Variants in WDR93 observed in about 807,000 individuals in gnomAD.
The protein encoded by WDR93 is WD repeat domain 93, also known as WD repeat-containing protein 93.
WDR93 carries 73 observed loss-of-function variants against 82.9 expected under a neutral mutation model. The observed-to-expected ratio is 0.88, with a 90% confidence interval of 0.73 to 1.07. The LOEUF (loss-of-function observed/expected upper bound fraction) is 1.07. WDR93 is among the 50% of genes least tolerant of loss of function. The pLI, the probability that WDR93 is intolerant of heterozygous loss-of-function variation, is 0.00. For missense variants in WDR93, 738 were observed against 826.0 expected, an observed-to-expected ratio of 0.89 and a Z score of 1.31; for synonymous variants, 283 against 300.1, an observed-to-expected ratio of 0.94 and a Z score of 0.59.
rs1208986642 is a variant in WDR93, at chr15:89,730,699, C to A, written c.1211-744C>A. On this transcript the variant is annotated intron_variant, in intron 11 of 16. Coordinates refer to ENST00000268130, the MANE Select transcript of WDR93 (RefSeq NM_020212.2). ...TCTCTTGAGCCCAGGAGTTTGAAACCAGTCTGGGCAACATAGGAGACCCTG... is the reference window on the plus strand; with the variant it reads ...TCTCTTGAGCCCAGGAGTTTGAAACAAGTCTGGGCAACATAGGAGACCCTG... 2.6e-5 allele frequency among the ~76,000 whole-genome samples: 4 copies of A among 151,982 alleles called. No homozygotes were observed. The East Asian group carries it at 7.7e-4, about 29-fold the overall frequency.
intron 16 of WDR93, among the ~76,000 whole-genome samples, chr15:89,738,936 G>A (rs1029178485): frequency 4.6e-5 from 7 of 151,958 alleles, no homozygotes; most frequent in African/African-American, 1.5e-4. Context: ...CCAACATGGC[G>A]AAACCCCATC....
chr15:89,740,084 G>T (rs1455674026), intron 16 of WDR93, among the ~76,000 whole-genome samples: 1 of 152,162 alleles, frequency 6.6e-6, no homozygotes. Context: ...TTTTAATGAT[G>T]CCTGATTTTT....
At chr15:89,710,288 G>A (rs1014365484) in intron 4 of WDR93, among the ~76,000 whole-genome samples, 1 of 152,216 alleles carries the variant, frequency 6.6e-6, no homozygotes, top group Non-Finnish European at 1.5e-5. Context: ...CAACGCAGCA[G>A]ATGAAACTCA....
At chr15:89,729,165 C>T in intron 10 of WDR93, 72 bp downstream of exon 10, 1 of 1,402,544 alleles carries the variant, frequency 7.1e-7, no homozygotes. Context: ...CAAGCCCCCA[C>T]AGAGATGTTC....
rs765203860 is a variant in WDR93 at position 89,729,084 on chromosome 15, G to C, written c.1114G>C (p.Gly372Arg). ...ATTTGCAATGCCACCGGAAGTCAAGGGCCCCTCAGGTAAATGAACATGAAG... is the reference window on the plus strand; with the variant it reads ...ATTTGCAATGCCACCGGAAGTCAAGCGCCCCTCAGGTAAATGAACATGAAG... Reference protein sequence around the residue: ...CLFAMPPEVKGPSGMACVLGI... With the variant: ...CLFAMPPEVKRPSGMACVLGI... The change falls in exon 10 of 17, where the codon GGC becomes CGC. Residue 372 changes from glycine (G) to arginine (R), a missense_variant. Gly to Arg is a moderately radical substitution (Grantham distance 125). Coordinates refer to ENST00000268130, the MANE Select transcript of WDR93 (RefSeq NM_020212.2). 1 of 1,613,964 alleles carries C rather than the reference G, an allele frequency of 6.2e-7. No individual in the cohort carries two copies. The highest frequency in any genetic ancestry group is 8.5e-7 in the Non-Finnish European group (1 of 1,179,914).
intron 3 of WDR93, chr15:89,704,800 T>G (rs1965652927): frequency 6.6e-6 from 1 of 152,294 alleles, no homozygotes; most frequent in African/African-American, 2.4e-5. Flanking sequence ...GTTTCAAGTC[T>G]GTGTAACCCT....
intron 13 of WDR93, among the ~76,000 whole-genome samples, chr15:89,733,697 C>T (rs952797362): frequency 2.0e-5 from 3 of 152,144 alleles, no homozygotes; most frequent in Admixed American, 6.5e-5. Flanking sequence ...TATGCCGTCT[C>T]GGGACTCTCT....
At chr15:89,694,925 C>G (rs1013275541) in intron 1 of WDR93, among the ~76,000 whole-genome samples, 2 of 152,152 alleles carry the variant, frequency 1.3e-5, no homozygotes, top group African/African-American at 4.8e-5. Flanking sequence ...GCATTATTTG[C>G]TGAAAAGAAT....
intron 14 of WDR93, 65 bp downstream of exon 14, chr15:89,735,618 A>G (rs1311026577): frequency 6.6e-7 from 1 of 1,524,442 alleles, no homozygotes; most frequent in Non-Finnish European, 9.1e-7. Context: ...GAATGTGTTC[A>G]TCTGTCCTTT....
At chr15:89,717,918 C>T (rs1886587058) in intron 7 of WDR93, among the ~76,000 whole-genome samples, 1 of 152,220 alleles carries the variant, frequency 6.6e-6, no homozygotes, top group Non-Finnish European at 1.5e-5. Context: ...CCTGGCTCTT[C>T]CTCTGAGACC....
chr15:89,697,004 T>C lies in WDR93; in HGVS notation c.-40-4703T>C, dbSNP rs934160378. Among the ~76,000 whole-genome samples, 8 of 152,200 alleles carry C rather than the reference T, an allele frequency of 5.3e-5. No homozygotes were observed. In the East Asian group the frequency reaches 1.4e-3, roughly 26 times the overall value. ...GTTTTTTAGAGACAAAGTCTCACTCTGTTACTCAGGCTGTAGTGCAGTGGC... is the reference window on the plus strand; with the variant it reads ...GTTTTTTAGAGACAAAGTCTCACTCCGTTACTCAGGCTGTAGTGCAGTGGC... On this transcript the variant is annotated intron_variant, in intron 1 of 16. Coordinates refer to ENST00000268130, the MANE Select transcript of WDR93 (RefSeq NM_020212.2).
intron 8 of WDR93, among the ~76,000 whole-genome samples, chr15:89,722,374 T>C (rs1383209529): frequency 6.6e-6 from 1 of 152,240 alleles, no homozygotes; most frequent in Non-Finnish European, 1.5e-5. Flanking sequence ...GAGAAAAAGA[T>C]ATCTTTTCTG....
chr15:89,737,440 T>A, intron 14 of WDR93, 133 bp from the exon 15 acceptor site: 5 of 1,231,642 alleles, frequency 4.1e-6, no homozygotes, highest in Non-Finnish European at 5.7e-6. Flanking sequence ...CCTGGATGGA[T>A]CCAGAGGCTG....
intron 1 of WDR93, among the ~76,000 whole-genome samples, chr15:89,700,491 C>A (rs1432392660): frequency 6.6e-6 from 1 of 150,628 alleles, no homozygotes; most frequent in Non-Finnish European, 1.5e-5. Context: ...ATCTCATGTT[C>A]TACATTAAAT....
intron 13 of WDR93, among the ~76,000 whole-genome samples, chr15:89,734,393 C>T (rs1022521570): frequency 1.3e-5 from 2 of 152,116 alleles, no homozygotes; most frequent in African/African-American, 4.8e-5. Flanking sequence ...CAGTGCACCT[C>T]GGTTTTCCTC....
intron 16 of WDR93, among the ~76,000 whole-genome samples, chr15:89,741,642 C>G (rs76911264): frequency 0.038 from 5,773 of 152,222 alleles, 399 homozygotes; most frequent in African/African-American, 0.13. Flanking sequence ...AGAGGCAAAT[C>G]AACACAAAAT....
At chr15:89,691,024 C>G (rs1290509555) in intron 1 of WDR93, among the ~76,000 whole-genome samples, 167 bp downstream of exon 1, 1 of 152,146 alleles carries the variant, frequency 6.6e-6, no homozygotes, top group Non-Finnish European at 1.5e-5. Flanking sequence ...TTCTCAGGAA[C>G]CCGGGGTGAT....
chr15:89,713,688 G>C (rs138800639), intron 5 of WDR93, among the ~76,000 whole-genome samples: 2,387 of 152,148 alleles, frequency 0.016, 63 homozygotes, highest in African/African-American at 0.055. Context: ...GGCCAGGCTG[G>C]TCTCGAACTC....
chr15:89,708,604 CTA>C (rs757829977), intron 4 of WDR93, among the ~76,000 whole-genome samples: 2 of 152,160 alleles, frequency 1.3e-5, no homozygotes, highest in African/African-American at 2.4e-5. Context: ...TCAGGAATGG[CTA>C]TGTTTTCATC....
Sources: allele counts gnomAD v4.1 joint callset (sites outside exome capture counted in the v4.1 genomes callset), GRCh38; gene constraint gnomAD v4.1.1; transcripts MANE v1.5; gene names NCBI Gene and HGNC (gene_info 2026-07-23, HGNC 2026-07-21).